Variants in VWC2L observed in about 807,000 individuals in gnomAD.
VWC2L encodes the protein von Willebrand factor C domain-containing protein 2-like.
In VWC2L, 10 loss-of-function variants were observed where a neutral mutation model predicts 21.6. The observed-to-expected ratio is 0.46, with a 90% CI of 0.29 to 0.78. The LOEUF (loss-of-function observed/expected upper bound fraction) is 0.78. VWC2L is among the 30% of genes least tolerant of loss of function. The pLI is 0.10. For missense variants in VWC2L, 209 were observed against 277.1 expected, an observed-to-expected ratio of 0.75 and a Z score of 1.74; for synonymous variants, 96 against 94.3, an observed-to-expected ratio of 1.02 and a Z score of -0.10.
In VWC2L at chr2:214,411,343, T is replaced by C. The variant is rs1702265928; in HGVS notation, c.-524T>C. On this transcript the variant is annotated 5_prime_UTR_variant, in exon 1 of 4. Transcript: ENST00000312504. Reference sequence around the variant, plus strand: ...TTAAGCTACAGCATGCTGTTGCTGTTTGTGATCCTCAGAGCCTAGCCAAAT... The same window carrying C: ...TTAAGCTACAGCATGCTGTTGCTGTCTGTGATCCTCAGAGCCTAGCCAAAT... 1 of 152,242 alleles carries C rather than the reference T, an allele frequency of 6.6e-6. No individual in the cohort carries two copies. The highest frequency in any genetic ancestry group is 1.5e-5 in the Non-Finnish European group (1 of 68,068). 9.4% of individuals were successfully genotyped at this position (152,242 alleles called of 1,614,324 possible).
chr2:214,507,711 A>G (rs1319909973), intron 3 of VWC2L, among the ~76,000 whole-genome samples: 1 of 152,194 alleles, frequency 6.6e-6, no homozygotes, highest in Non-Finnish European at 1.5e-5. Flanking sequence ...CTATAACATC[A>G]TCTATATTAG....
intron 3 of VWC2L, among the ~76,000 whole-genome samples, chr2:214,541,913 T>G (rs1479535754): frequency 5.5e-5 from 2 of 36,166 alleles, no homozygotes; most frequent in Middle Eastern, 0.015. Context: ...CTGTTTACTG[T>G]TTTTTTTTTT....
intron 3 of VWC2L, among the ~76,000 whole-genome samples, chr2:214,460,940 A>G (rs149354404): frequency 1.8e-4 from 27 of 152,264 alleles, no homozygotes; most frequent in South Asian, 4.1e-4. Flanking sequence ...AGCTGTATCT[A>G]TGGTATTGTC....
intron 3 of VWC2L, among the ~76,000 whole-genome samples, chr2:214,488,497 G>A (rs933645369): frequency 6.6e-6 from 1 of 152,148 alleles, no homozygotes; most frequent in Admixed American, 6.5e-5. Flanking sequence ...TACTTGGGGG[G>A]CTGAGGCAGG....
chr2:214,479,930 A>C (rs1164360717), intron 3 of VWC2L, among the ~76,000 whole-genome samples: 2 of 152,186 alleles, frequency 1.3e-5, no homozygotes, highest in African/African-American at 2.4e-5. Flanking sequence ...ATGATGATTG[A>C]AAATGTAGTT....
At chr2:214,507,930 C>T (rs984957904) in intron 3 of VWC2L, among the ~76,000 whole-genome samples, 3 of 152,110 alleles carry the variant, frequency 2.0e-5, no homozygotes, top group East Asian at 1.9e-4. Context: ...GTTTAAAAAG[C>T]CCATTAATGT....
intron 3 of VWC2L, among the ~76,000 whole-genome samples, chr2:214,508,194 T>C (rs943831352): frequency 3.9e-5 from 6 of 152,162 alleles, no homozygotes; most frequent in African/African-American, 1.4e-4. Flanking sequence ...GCCAGGATGG[T>C]CTGATCTCCT....
At chr2:214,419,469 A>T (rs1702402202) in intron 2 of VWC2L, among the ~76,000 whole-genome samples, 1 of 152,182 alleles carries the variant, frequency 6.6e-6, no homozygotes, top group Admixed American at 6.5e-5. Flanking sequence ...CTATTTCCTT[A>T]TACTTTAGAA....
chr2:214,462,668 A>ATT (rs199950224), intron 3 of VWC2L, among the ~76,000 whole-genome samples: 3 of 152,014 alleles, frequency 2.0e-5, no homozygotes, highest in Admixed American at 6.6e-5. Flanking sequence ...TGATGTCTGT[A>ATT]TTTTTTTAAC....
At chr2:214,506,698 G>A (rs555499677) in intron 3 of VWC2L, among the ~76,000 whole-genome samples, 12 of 67,918 alleles carry the variant, frequency 1.8e-4, no homozygotes, top group East Asian at 3.4e-4. Context: ...TAATAAATTC[G>A]TAATATCGAG....
intron 3 of VWC2L, chr2:214,536,884 C>G (rs985474282): frequency 2.0e-5 from 3 of 151,838 alleles, no homozygotes; most frequent in African/African-American, 2.4e-5. Flanking sequence ...ATGTTTAATA[C>G]TTGAAATTCC....
chr2:214,414,823 A>G, intron 2 of VWC2L: 1 of 489,878 alleles, frequency 2.0e-6, no homozygotes, highest in East Asian at 3.9e-5. Flanking sequence ...TTTGGGGCAT[A>G]CCTAACACCT....
At chr2:214,558,341 C>A (rs1689907024) in intron 3 of VWC2L, among the ~76,000 whole-genome samples, 1 of 152,112 alleles carries the variant, frequency 6.6e-6, no homozygotes, top group South Asian at 2.1e-4. Context: ...TCCAGGGGTT[C>A]CACCTCTCTA....
intron 3 of VWC2L, among the ~76,000 whole-genome samples, chr2:214,531,265 G>A (rs1454618738): frequency 1.3e-5 from 2 of 152,150 alleles, no homozygotes; most frequent in South Asian, 2.1e-4. Flanking sequence ...ACGAGTAAAC[G>A]CATTCTGATC....
chr2:214,515,046 C>T (rs1689118413), intron 3 of VWC2L, among the ~76,000 whole-genome samples: 1 of 152,096 alleles, frequency 6.6e-6, no homozygotes, highest in Middle Eastern at 3.2e-3. Context: ...CATTAAGTCC[C>T]TCCCTGCCCC....
At chr2:214,494,510 T>G (rs1688785858) in intron 3 of VWC2L, among the ~76,000 whole-genome samples, 1 of 152,122 alleles carries the variant, frequency 6.6e-6, no homozygotes, top group Non-Finnish European at 1.5e-5. Flanking sequence ...GACTTGGGCC[T>G]TTTTCCTCTT....
intron 3 of VWC2L, among the ~76,000 whole-genome samples, chr2:214,521,120 G>A (rs1024701804): frequency 3.9e-5 from 6 of 151,958 alleles, no homozygotes; most frequent in Non-Finnish European, 4.4e-5. Flanking sequence ...AGCTACTCGG[G>A]AGGCTGAGGC....
intron 3 of VWC2L, among the ~76,000 whole-genome samples, chr2:214,496,482 C>G (rs1001239788): frequency 3.3e-5 from 5 of 152,116 alleles, no homozygotes; most frequent in Admixed American, 3.3e-4. Flanking sequence ...ATCTGTCAAT[C>G]TACAAGGGCA....
Position 214,577,879 on chromosome 2 carries a change from G to A in VWC2L, c.*2059G>A, listed in dbSNP as rs895045443. Reference sequence around the variant, plus strand: ...CAAATAGCCATGCCGGCACCATCCCGAGGAAGAGCATCAAGCCACCTTCCC... The same window carrying A: ...CAAATAGCCATGCCGGCACCATCCCAAGGAAGAGCATCAAGCCACCTTCCC... On this transcript the variant is annotated 3_prime_UTR_variant, in exon 4 of 4. Transcript: ENST00000312504. The A allele has an allele frequency of 3.9e-5, 6 of 152,142 alleles. No individual in the cohort carries two copies. Among genetic ancestry groups the A allele is most frequent in the Non-Finnish European group, 8.8e-5 (6 of 68,030 alleles). The allele number at this position is 152,142 out of a possible 1,614,324, so 9.4% of individuals were successfully genotyped here.
Sources: gnomAD v4.1 joint callset for allele counts (sites outside exome capture counted in the v4.1 genomes callset) on GRCh38, gnomAD v4.1.1 for gene constraint, MANE v1.5 for transcripts, NCBI Gene and HGNC (gene_info 2026-07-23, HGNC 2026-07-21) for gene names.